The following LYRM1 variants were observed in gnomAD, a reference collection of about 807,000 sequenced individuals.
The protein encoded by LYRM1 is LYR motif-containing protein 1.
Under a neutral mutation model 14.9 loss-of-function variants are expected in LYRM1, and 14 were observed. The observed-to-expected ratio is 0.94, with a 90% confidence interval of 0.62 to 1.47. The LOEUF (loss-of-function observed/expected upper bound fraction) is 1.47, where lower values mean the gene tolerates loss of function less well. Ranked by LOEUF, LYRM1 falls within the 40% of genes most tolerant of loss-of-function variation. The pLI, the probability that LYRM1 is intolerant of heterozygous loss-of-function variation, is 0.00. For synonymous variants in LYRM1, 43 were observed against 56.2 expected (o/e 0.77, Z 1.05); for missense variants, 153 against 149.9 (o/e 1.02, Z -0.11).
At chr16:20,909,857 C>A (rs2082502731) in intron 1 of LYRM1, among the ~76,000 whole-genome samples, 1 of 152,168 alleles carries the variant, frequency 6.6e-6, no homozygotes, top group Admixed American at 6.5e-5. Flanking sequence ...ATATACCTTT[C>A]TAGGTGCTGA....
intron 1 of LYRM1, among the ~76,000 whole-genome samples, chr16:20,913,939 G>A (rs2082731241): frequency 6.6e-6 from 1 of 152,042 alleles, no homozygotes; most frequent in South Asian, 2.1e-4. Flanking sequence ...CTTCTGAGTA[G>A]CTGGGACGAT....
At chr16:20,920,081 G>A in intron 2 of LYRM1, 41 bp from the exon 3 acceptor site, 1 of 1,400,334 alleles carries the variant, frequency 7.1e-7, no homozygotes, top group East Asian at 2.3e-5. Context: ...TGTACCATTA[G>A]AAAGATACTA....
chr16:20,912,269 G>A (rs1229818567), intron 1 of LYRM1, among the ~76,000 whole-genome samples: 2 of 145,832 alleles, frequency 1.4e-5, no homozygotes, highest in African/African-American at 5.1e-5. Flanking sequence ...GGTATTTTTG[G>A]GTTTTTTTTG....
At chr16:20,923,498 C>CAAAA (rs66570481) in intron 3 of LYRM1, among the ~76,000 whole-genome samples, 10 of 110,388 alleles carry the variant, frequency 9.1e-5, no homozygotes, top group Admixed American at 1.9e-4. Flanking sequence ...AACTGTGTCT[C>CAAAA]AAAAAAAAAA....
Position 20,915,589 on chromosome 16 carries a change from C to T in LYRM1, c.34C>T (p.Leu12Phe), listed in dbSNP as rs2082846759. The change falls in exon 2 of 4, where the codon CTC becomes TTC. Residue 12 changes from leucine to phenylalanine, a missense_variant. Physicochemically the swap from Leu to Phe is conservative, Grantham distance 22. Coordinates refer to ENST00000567954, the MANE Select transcript of LYRM1 (RefSeq NM_001128302.3). ...GGCAACACGACAAGAAGTCCTTGGC[C>T]TCTACCGCAGCATTTTCAGGCTTGC... ...TTATRQEVLG[L>F]YRSIFRLARK... 6.2e-6 allele frequency: 10 copies of T among 1,614,098 alleles called. No homozygotes were observed. In the East Asian group the frequency reaches 1.8e-4, roughly 29 times the overall value.
intron 2 of LYRM1, among the ~76,000 whole-genome samples, chr16:20,918,200 G>A (rs947530309): frequency 1.3e-5 from 2 of 152,120 alleles, no homozygotes; most frequent in African/African-American, 4.8e-5. Flanking sequence ...CGGTATTGGG[G>A]ATATCATAGT....
intron 1 of LYRM1, among the ~76,000 whole-genome samples, chr16:20,913,048 A>C (rs182555237): frequency 0.013 from 1,994 of 150,326 alleles, 54 homozygotes; most frequent in African/African-American, 0.046. Flanking sequence ...CCTGGGCAAC[A>C]AAAGCGAAAC....
At chr16:20,907,966 G>C (rs2082405056) in intron 1 of LYRM1, among the ~76,000 whole-genome samples, 1 of 152,210 alleles carries the variant, frequency 6.6e-6, no homozygotes, top group Non-Finnish European at 1.5e-5. Context: ...TGTATCCCCA[G>C]AAACGGCAGG....
In LYRM1 at chr16:20,920,181, T is replaced by C; in HGVS notation, c.219T>C (p.Ile73=). 6.2e-7 allele frequency: 1 copy of C among 1,614,110 alleles called. No homozygotes were observed. Among genetic ancestry groups the C allele is most frequent in the Non-Finnish European group, 8.5e-7 (1 of 1,179,932 alleles). The change falls in exon 3 of 4, where the codon ATT becomes ATC. Residue 73 remains isoleucine, a synonymous_variant. Transcript: ENST00000567954. The part of the protein sequence containing the change: ...CIDECTARIE[I]GLHYKIPYPR... ...ATGAATGCACAGCCAGGATTGAAATTGGACTGCATTACAAGATTCCTTACC... is the reference window on the plus strand; with the variant it reads ...ATGAATGCACAGCCAGGATTGAAATCGGACTGCATTACAAGATTCCTTACC...
intron 1 of LYRM1, among the ~76,000 whole-genome samples, chr16:20,903,327 A>G (rs2082158989): frequency 1.3e-5 from 2 of 152,192 alleles, no homozygotes; most frequent in Admixed American, 6.5e-5. Context: ...TCTCCCGTCT[A>G]TGTGGCTCAT....
At chr16:20,923,176 C>CA (rs1378417389) in intron 3 of LYRM1, among the ~76,000 whole-genome samples, 3 of 152,106 alleles carry the variant, frequency 2.0e-5, no homozygotes, top group Non-Finnish European at 2.9e-5. Flanking sequence ...TTAATCTGGG[C>CA]ACCCATTGCC....
intron 2 of LYRM1, among the ~76,000 whole-genome samples, chr16:20,917,554 G>A (rs1319914252): frequency 6.6e-6 from 1 of 152,150 alleles, no homozygotes; most frequent in Non-Finnish European, 1.5e-5. Context: ...GAGGTCAGAA[G>A]TTTAAGATGA....
chr16:20,913,234 G>A (rs1007068198), intron 1 of LYRM1, among the ~76,000 whole-genome samples: 4 of 151,666 alleles, frequency 2.6e-5, no homozygotes, highest in Non-Finnish European at 5.9e-5. Context: ...GGTACAGTGG[G>A]GGTTTCTACT....
intron 3 of LYRM1, among the ~76,000 whole-genome samples, 185 bp from the exon 4 acceptor site, chr16:20,923,815 T>C (rs182918500): frequency 1.7e-4 from 26 of 152,318 alleles, no homozygotes; most frequent in Admixed American, 1.4e-3. Context: ...CATTTCCTCA[T>C]CTGTAAATAT....
chr16:20,900,427 T>G (rs527298577), upstream of LYRM1: 1 of 150,346 alleles, frequency 6.7e-6, no homozygotes, highest in Non-Finnish European at 1.5e-5. Context: ...TCACTTCCGG[T>G]AACCCCGCCG....
In LYRM1 at chr16:20,924,817, C is replaced by T. The variant is rs1297347389; in HGVS notation, c.*701C>T. 1.3e-5 allele frequency: 2 copies of T among 152,148 alleles called. No homozygotes were observed. Among genetic ancestry groups the T allele is most frequent in the Non-Finnish European group, 2.9e-5 (2 of 68,026 alleles). 9.4% of individuals were successfully genotyped at this position (152,148 alleles called of 1,614,324 possible). A position where few individuals can be genotyped will look rare whatever the true frequency, so the allele number is the denominator to read the frequency against. On this transcript the variant is annotated 3_prime_UTR_variant, in exon 4 of 4. Coordinates refer to ENST00000567954, the MANE Select transcript of LYRM1 (RefSeq NM_001128302.3). ...TTAACATAATTGAAAAGTACAAGGT[C>T]CAAGCTGGCTTTCAAATTATGTCTA...
intron 1 of LYRM1, among the ~76,000 whole-genome samples, chr16:20,913,926 A>G (rs1250184912): frequency 6.6e-6 from 1 of 151,762 alleles, no homozygotes; most frequent in East Asian, 1.9e-4. Flanking sequence ...CTCCTGCCTC[A>G]GCCTTCTGAG....
At chr16:20,923,888 T>G (rs1292761314) in intron 3 of LYRM1, 112 bp from the exon 4 acceptor site, 2 of 609,410 alleles carry the variant, frequency 3.3e-6, no homozygotes, top group African/African-American at 3.7e-5. Context: ...AATGAATCAA[T>G]GTAGATACAG....
chr16:20,904,398 C>A (rs990153532), intron 1 of LYRM1, among the ~76,000 whole-genome samples: 1 of 151,970 alleles, frequency 6.6e-6, no homozygotes, highest in African/African-American at 2.4e-5. Context: ...GTTTTGGCCC[C>A]GTGTTCTAAA....
Sources: allele counts gnomAD v4.1 joint callset (sites outside exome capture counted in the v4.1 genomes callset), GRCh38; gene constraint gnomAD v4.1.1; transcripts MANE v1.5; gene names NCBI Gene and HGNC (gene_info 2026-07-23, HGNC 2026-07-21).